Variants in CDH5 observed in about 807,000 individuals in gnomAD.
CDH5 encodes cadherin 5.
Under a neutral mutation model 62.0 loss-of-function variants are expected in CDH5, and 28 were observed. That is an observed-to-expected ratio of 0.45 (90% CI 0.33 to 0.62). The LOEUF (loss-of-function observed/expected upper bound fraction) is 0.62, where lower values mean the gene tolerates loss of function less well. CDH5 is among the 20% of genes least tolerant of loss of function. The pLI, the probability that CDH5 is intolerant of heterozygous loss-of-function variation, is 0.02. For missense variants in CDH5, 940 were observed against 1,065.1 expected (o/e 0.88, Z 1.63); for synonymous variants, 464 against 445.8 (o/e 1.04, Z -0.52).
At chr16:66,369,345 C>T (rs995742933) in intron 1 of CDH5, among the ~76,000 whole-genome samples, 3 of 152,098 alleles carry the variant, frequency 2.0e-5, no homozygotes, top group African/African-American at 2.4e-5. Flanking sequence ...CTGGAGAGGG[C>T]GGGTAGATAG....
intron 2 of CDH5, 67 bp downstream of exon 2, chr16:66,379,614 T>G (rs1596930961): frequency 1.4e-6 from 2 of 1,394,264 alleles, no homozygotes; most frequent in Middle Eastern, 3.6e-4. Flanking sequence ...GTGGTGGTGG[T>G]GATGGCGATG....
At chr16:66,390,673 G>A in intron 6 of CDH5, 83 bp downstream of exon 6, 1 of 1,300,228 alleles carries the variant, frequency 7.7e-7, no homozygotes, top group East Asian at 2.3e-5. Flanking sequence ...ATTGCTCCTG[G>A]GCCAGAGACC....
chr16:66,402,416 CGGGGTGT>C (rs71752678), intron 11 of CDH5, among the ~76,000 whole-genome samples: 38,732 of 90,868 alleles, frequency 0.43, 8,927 homozygotes, highest in African/African-American at 0.67. Flanking sequence ...GCGGCAGGGA[CGGGGTGT>C]GGGGTGTAGG....
rs780802038 is a variant in CDH5 at position 66,389,484 on chromosome 16, T to C, written c.743T>C (p.Leu248Pro). The C allele has an allele frequency of 5.0e-6, 8 of 1,606,646 alleles. No homozygotes were observed. The highest frequency in any genetic ancestry group is 1.7e-5 in the Admixed American group (1 of 59,346). The stretch of plus-strand genomic sequence containing the variant: ...GGCACGGCCACCGTGCTGGTCACTC[T>C]GCAAGACATCAATGACAACTTCCCC... ...DSGTATVLVTLQDINDNFPFF... is the reference protein window; with the variant it reads ...DSGTATVLVTPQDINDNFPFF... The change falls in exon 5 of 12, where the codon CTG (leucine) becomes CCG (proline). Residue 248 changes from leucine (L) to proline (P), a missense_variant. Transcript: ENST00000341529.
intron 2 of CDH5, among the ~76,000 whole-genome samples, chr16:66,386,432 C>A (rs148796795): frequency 1.3e-5 from 2 of 152,098 alleles, no homozygotes; most frequent in East Asian, 1.9e-4. Flanking sequence ...CTCATCCCAA[C>A]CTCCCCTCTT....
In CDH5 at chr16:66,398,480, G is replaced by A; in HGVS notation, c.1510G>A (p.Asp504Asn). The A allele has an allele frequency of 1.2e-6, 2 of 1,608,184 alleles. No homozygotes were observed. Among genetic ancestry groups the A allele is most frequent in the Non-Finnish European group, 1.7e-6 (2 of 1,174,534 alleles). The change falls in exon 10 of 12, where the codon GAC (aspartate) becomes AAC (asparagine). Residue 504 changes from aspartate to asparagine, a missense_variant. Coordinates refer to ENST00000341529, the MANE Select transcript of CDH5 (RefSeq NM_001795.5). ...GQLVLQISAIDKDITPRNVKF... is the reference protein window; with the variant it reads ...GQLVLQISAINKDITPRNVKF... ...GCTGGTCCTGCAGATCTCCGCAATA[G>A]ACAAGGACATAACACCACGAAACGT...
At chr16:66,386,743 TCACTCACA>T (rs1489861673) in intron 2 of CDH5, 58 bp from the exon 3 acceptor site, 6 of 1,402,186 alleles carry the variant, frequency 4.3e-6, no homozygotes, top group African/African-American at 2.8e-5. Context: ...ACACACACTC[TCACTCACA>T]CACTCACACA....
At position 66,403,149 on chromosome 16, in the gene CDH5, C is replaced by A. The variant is rs760983483; in HGVS notation, c.2335C>A (p.Arg779=). The change falls in exon 12 of 12, where the codon CGG becomes AGG. Residue 779 remains arginine (R), a synonymous_variant. Transcript: ENST00000341529. This position sits in a 1 kb window ranked among gnomAD's most constrained non-coding sequence, Gnocchi z 4.3. Reference sequence around the variant, plus strand: ...GGCTGAGCTGTACGGCTCGGACCCCCGGGAGGAGCTGCTGTATTAGGCGGC... The same window carrying A: ...GGCTGAGCTGTACGGCTCGGACCCCAGGGAGGAGCTGCTGTATTAGGCGGC... ...MLAELYGSDP[R]EELLY is the part of the protein sequence containing the mutation. 2.1e-5 allele frequency: 34 copies of A among 1,611,970 alleles called. No homozygotes were observed. Among genetic ancestry groups the A allele is most frequent in the Non-Finnish European group, 2.9e-5 (34 of 1,179,560 alleles).
In CDH5 at chr16:66,387,082, G is replaced by T; in HGVS notation, c.484G>T (p.Glu162Ter). 1 of 1,611,536 alleles carries T rather than the reference G, an allele frequency of 6.2e-7. No homozygotes were observed. The highest frequency in any genetic ancestry group is 8.5e-7 in the Non-Finnish European group (1 of 1,178,030). ...THRLFNASVP[E>*]SSAVGTSVIS... Reference sequence around the variant, plus strand: ...TCGGTTGTTCAATGCGTCCGTGCCTGAGTCGTCGGCTGTGGGTACGTTGCA... The same window carrying T: ...TCGGTTGTTCAATGCGTCCGTGCCTTAGTCGTCGGCTGTGGGTACGTTGCA... The change falls in exon 3 of 12, where the codon GAG (glutamate) becomes TAG (stop). Residue 162 changes from glutamate to a stop codon, truncating the protein, a stop_gained. Transcript: ENST00000341529. LOFTEE classifies it high-confidence loss of function.
chr16:66,401,040 G>A, intron 11 of CDH5, 24 bp downstream of exon 11: 2 of 1,613,462 alleles, frequency 1.2e-6, no homozygotes, highest in Non-Finnish European at 1.7e-6. Context: ...AGGGTGGGGA[G>A]AAGACACAGT....
chr16:66,368,950 G>T (rs1960636196), intron 1 of CDH5, among the ~76,000 whole-genome samples: 2 of 152,212 alleles, frequency 1.3e-5, no homozygotes. Context: ...TAAAAAGTCT[G>T]TCCTGATCCA....
At chr16:66,400,583 A>C in intron 10 of CDH5, among the ~76,000 whole-genome samples, 188 bp from the exon 11 acceptor site, 1 of 152,156 alleles carries the variant, frequency 6.6e-6, no homozygotes, top group East Asian at 1.9e-4. Flanking sequence ...GCTGCCCCAA[A>C]ATATCCCCTC....
intron 1 of CDH5, among the ~76,000 whole-genome samples, chr16:66,374,227 C>T (rs1478443527): frequency 2.0e-5 from 3 of 152,202 alleles, no homozygotes; most frequent in Non-Finnish European, 4.4e-5. Flanking sequence ...TCCACCGTCC[C>T]AGGCGAGAAA....
At position 66,402,768 on chromosome 16, in the gene CDH5, G is replaced by A. The variant is rs1961311267; in HGVS notation, c.1954G>A (p.Glu652Lys). 1.2e-6 allele frequency: 2 copies of A among 1,607,880 alleles called. No individual in the cohort carries two copies. The highest frequency in any genetic ancestry group is 4.5e-5 in the East Asian group (2 of 44,606). ...LVTYDEEGGG[E>K]MDTTSYDVSV... The stretch of plus-strand genomic sequence containing the variant: ...CACCTACGACGAGGAGGGCGGCGGC[G>A]AGATGGACACCACCAGCTACGATGT... Residue 652 changes from glutamate (E) to lysine (K), a missense_variant, in exon 12 of 12, where the codon GAG becomes AAG. Coordinates refer to ENST00000341529, the MANE Select transcript of CDH5 (RefSeq NM_001795.5).
chr16:66,381,329 C>T (rs571940997), intron 2 of CDH5, among the ~76,000 whole-genome samples: 7 of 152,312 alleles, frequency 4.6e-5, no homozygotes, highest in African/African-American at 1.4e-4. Flanking sequence ...TCCTTTAAAA[C>T]ATGTCTATCC....
rs138832797 is a variant in CDH5, at chr16:66,386,820, C to T, written c.222C>T (p.Ser74=). The part of the protein sequence containing the change: ...LPHHVGKIKS[S]VSRKNAKYLL... ...CTCTTCTTTTCTAGATCAAGTCAAG[C>T]GTGAGTCGCAAGAATGCCAAGTACC... Residue 74 remains serine, a synonymous_variant, in exon 3 of 12, where the codon AGC becomes AGT. Coordinates refer to ENST00000341529, the MANE Select transcript of CDH5 (RefSeq NM_001795.5). The T allele has an allele frequency of 1.2e-5, 20 of 1,608,912 alleles. No individual in the cohort carries two copies. In the African/African-American group the frequency reaches 1.3e-4, roughly 11 times the overall value.
intron 1 of CDH5, among the ~76,000 whole-genome samples, chr16:66,375,462 T>C (rs1413187487): frequency 1.3e-5 from 2 of 151,856 alleles, no homozygotes; most frequent in Non-Finnish European, 2.9e-5. Context: ...CCCAGGAGTT[T>C]GAGGCTGCAG....
At chr16:66,395,925 G>T (rs1961176407) in intron 7 of CDH5, 134 bp from the exon 8 acceptor site, 3 of 800,494 alleles carry the variant, frequency 3.7e-6, no homozygotes, top group South Asian at 1.9e-5. Flanking sequence ...GAGTGGCAGA[G>T]TGCAATGAGC....
intron 7 of CDH5, chr16:66,392,746 A>C (rs1250190479): frequency 2.2e-5 from 5 of 229,626 alleles, no homozygotes; most frequent in African/African-American, 1.1e-4. Context: ...TGTATTCTTG[A>C]ATCTATCTTC....
Sources: allele counts gnomAD v4.1 joint callset (sites outside exome capture counted in the v4.1 genomes callset), GRCh38; gene constraint gnomAD v4.1.1; non-coding constraint Gnocchi (gnomAD v3.1); transcripts MANE v1.5; gene names NCBI Gene and HGNC (gene_info 2026-07-23, HGNC 2026-07-21).